CCNH: variants seen among roughly 807,000 people sequenced by gnomAD.
The protein encoded by CCNH is cyclin-H.
In CCNH, 31 loss-of-function variants were observed where a neutral mutation model predicts 41.9. The ratio of observed to expected loss-of-function variants is 0.74; its 90% CI spans 0.56 to 1.00. The LOEUF is 1.00. Among genes scored for constraint, CCNH ranks in the 50% least tolerant of loss-of-function variants. The probability of loss-of-function intolerance (pLI) is 0.00; values close to 1 mark genes in which losing one functional copy is unlikely to be tolerated. For missense variants in CCNH, 362 were observed against 388.4 expected, an observed-to-expected ratio of 0.93 and a Z score of 0.57; for synonymous variants, 138 against 136.1, an observed-to-expected ratio of 1.01 and a Z score of -0.10.
Position 87,342,729 on chromosome 5 carries a change from T to C in CCNH, c.*91-23832A>G, listed in dbSNP as rs548018764. Among the ~76,000 whole-genome samples, 92 of 152,304 alleles carry C rather than the reference T, an allele frequency of 6.0e-4. 1 individual carries two copies. Among genetic ancestry groups the C allele is most frequent in the African/African-American group, 1.9e-3 (80 of 41,572 alleles). On this transcript the variant is annotated intron_variant and NMD_transcript_variant, in intron 9 of 9. Coordinates refer to the CCNH transcript ENST00000645953. ...TAGAAAACTAGAAAGTGTTTGCCTA[T>C]TGTAAGGTAATCACTTTGTCTAGTT... is the stretch of plus-strand genomic sequence containing the variant.
At chr5:87,342,316 G>A (rs1290600622) in intron 9 of CCNH, among the ~76,000 whole-genome samples, 3 of 151,966 alleles carry the variant, frequency 2.0e-5, no homozygotes, top group Non-Finnish European at 4.4e-5. Context: ...ACAACACCAT[G>A]CTAGGCTGGT....
intron 9 of CCNH, among the ~76,000 whole-genome samples, chr5:87,365,991 G>T (rs1419919322): frequency 6.6e-6 from 1 of 152,062 alleles, no homozygotes; most frequent in Non-Finnish European, 1.5e-5. Context: ...GGTGAGAAAT[G>T]GAATCAAAAT....
intron 7 of CCNH, among the ~76,000 whole-genome samples, chr5:87,395,355 G>A (rs1297973435): frequency 6.6e-6 from 1 of 152,082 alleles, no homozygotes; most frequent in African/African-American, 2.4e-5. Context: ...CACTGACCTA[G>A]GAAAGAGTGT....
At chr5:87,314,353 C>T (rs1312011147), downstream of CCNH, among the ~76,000 whole-genome samples, 1 of 151,990 alleles carries the variant, frequency 6.6e-6, no homozygotes, top group Non-Finnish European at 1.5e-5. Flanking sequence ...GTGTTTTGGG[C>T]ATAGTTGTTT....
upstream of CCNH, among the ~76,000 whole-genome samples, chr5:87,378,871 A>G (rs1323437346): frequency 1.3e-5 from 2 of 152,208 alleles, no homozygotes; most frequent in African/African-American, 4.8e-5. Context: ...CTCATTATAT[A>G]ACCTATGTAG....
At chr5:87,383,658 C>T (rs566119014) in intron 9 of CCNH, 10 of 1,294,154 alleles carry the variant, frequency 7.7e-6, no homozygotes, top group Non-Finnish European at 9.7e-6. Context: ...TTTAATGTAA[C>T]ACATTATATA....
chr5:87,348,717 C>T (rs1489260331), intron 9 of CCNH, among the ~76,000 whole-genome samples: 1 of 151,572 alleles, frequency 6.6e-6, no homozygotes, highest in Non-Finnish European at 1.5e-5. Context: ...AGTGATCCTC[C>T]TGGATAGCTG....
chr5:87,342,024 T>C (rs766827107), intron 9 of CCNH, among the ~76,000 whole-genome samples: 3 of 152,174 alleles, frequency 2.0e-5, no homozygotes, highest in Non-Finnish European at 2.9e-5. Flanking sequence ...ATGTAAGATA[T>C]ATTCTGAGTT....
intron 9 of CCNH, chr5:87,383,799 AT>A (rs752166991): frequency 6.3e-7 from 1 of 1,587,252 alleles, no homozygotes; most frequent in South Asian, 1.1e-5. Context: ...CTTTTGATAC[AT>A]TTTGAAATTC....
intron 9 of CCNH, among the ~76,000 whole-genome samples, chr5:87,360,817 T>G (rs1329469839): frequency 1.3e-5 from 2 of 152,138 alleles, no homozygotes; most frequent in African/African-American, 2.4e-5. Flanking sequence ...GAGTCTAGAG[T>G]GCTGCTGTTT....
At chr5:87,360,694 T>A (rs1760020111) in intron 9 of CCNH, among the ~76,000 whole-genome samples, 1 of 152,154 alleles carries the variant, frequency 6.6e-6, no homozygotes, top group Non-Finnish European at 1.5e-5. Flanking sequence ...CAAAACAGGA[T>A]AATAGAAGTA....
chr5:87,393,120 A>ATTGT (rs1335161297), downstream of CCNH, among the ~76,000 whole-genome samples: 3 of 148,474 alleles, frequency 2.0e-5, no homozygotes, highest in South Asian at 6.2e-4. Flanking sequence ...GTAAAGAATT[A>ATTGT]TTGTTAGAGA....
At chr5:87,406,285 G>C (rs530509436) in intron 4 of CCNH, among the ~76,000 whole-genome samples, 18 of 152,186 alleles carry the variant, frequency 1.2e-4, no homozygotes, top group African/African-American at 4.3e-4. Flanking sequence ...ACTCCAAAGA[G>C]ACTATTTTGT....
chr5:87,322,987 T>A (rs1329067806), intron 9 of CCNH, among the ~76,000 whole-genome samples: 1 of 152,158 alleles, frequency 6.6e-6, no homozygotes, highest in Admixed American at 6.5e-5. Context: ...CACCTTAAGG[T>A]GAAGATTCTT....
At position 87,408,182 on chromosome 5, in the gene CCNH, T is replaced by C. The variant is rs1273518722; in HGVS notation, c.319A>G (p.Thr107Ala). ...ACTTTGCAGGCCAAAAATGCACAAG[T>C]GAGCCTAGAGGAAAAAATAAGGAGG... ...MEYHPRIIML[T>A]CAFLACKVDE... Residue 107 changes from threonine to alanine, a missense_variant, in exon 4 of 9, where the codon ACT (threonine) becomes GCT (alanine). Coordinates refer to ENST00000256897, the MANE Select transcript of CCNH (RefSeq NM_001239.4). 1 of 1,568,562 alleles carries C rather than the reference T, an allele frequency of 6.4e-7. No homozygotes were observed. Among genetic ancestry groups the C allele is most frequent in the Non-Finnish European group, 8.7e-7 (1 of 1,152,898 alleles).
intron 9 of CCNH, among the ~76,000 whole-genome samples, chr5:87,383,332 C>T (rs980863738): frequency 3.3e-5 from 5 of 152,094 alleles, no homozygotes; most frequent in African/African-American, 1.2e-4. Flanking sequence ...ATTTCTACTC[C>T]TGTGGTATTT....
intron 9 of CCNH, among the ~76,000 whole-genome samples, chr5:87,338,533 AAAATT>A (rs1424492809): frequency 1.1e-5 from 1 of 91,324 alleles, no homozygotes. Context: ...ATATATATAT[AAAATT>A]TTTTTTTTTT....
intron 9 of CCNH, among the ~76,000 whole-genome samples, chr5:87,319,842 A>G (rs1258071161): frequency 2.0e-5 from 3 of 152,158 alleles, no homozygotes; most frequent in African/African-American, 7.2e-5. Context: ...TGTCTTTTCT[A>G]TAGCATGGTG....
At chr5:87,346,508 A>T (rs1191955279) in intron 9 of CCNH, among the ~76,000 whole-genome samples, 2 of 151,978 alleles carry the variant, frequency 1.3e-5, no homozygotes, top group African/African-American at 4.8e-5. Context: ...TAAGTATAAT[A>T]TGTATATAAA....
Sources: allele counts gnomAD v4.1 joint callset (sites outside exome capture counted in the v4.1 genomes callset), GRCh38; gene constraint gnomAD v4.1.1; transcripts MANE v1.5; gene names NCBI Gene and HGNC (gene_info 2026-07-23, HGNC 2026-07-21).